Variants in GTF2E1 observed in about 807,000 individuals in gnomAD.
GTF2E1 encodes the protein TFIIE alpha subunit.
GTF2E1 carries 14 observed loss-of-function variants against 34.9 expected under a neutral mutation model. The observed-to-expected ratio is 0.40, with a 90% CI of 0.27 to 0.63. GTF2E1 has a LOEUF of 0.63. Ranked by LOEUF, GTF2E1 falls within the 20% of genes least tolerant of loss-of-function variation. GTF2E1 has a pLI of 0.39. For missense variants in GTF2E1, 469 were observed against 557.7 expected (o/e 0.84, Z 1.60); for synonymous variants, 188 against 192.9 (o/e 0.97, Z 0.21).
In GTF2E1 at chr3:120,782,167, T is replaced by C. The variant is rs559055713; in HGVS notation, c.*697T>C. On this transcript the variant is annotated 3_prime_UTR_variant, in exon 5 of 5. Coordinates refer to ENST00000283875, the MANE Select transcript of GTF2E1 (RefSeq NM_005513.3). ...AGGCATTCCAAACAATTTCTTATAC[T>C]GCTGCCCACCAAAGCAGCTTGCCAA... 2 of 152,316 alleles carry C rather than the reference T, an allele frequency of 1.3e-5. No homozygotes were observed. Among genetic ancestry groups the C allele is most frequent in the South Asian group, 4.1e-4 (2 of 4,824 alleles). The allele number at this position is 152,316 out of a possible 1,614,324, so 9.4% of individuals were successfully genotyped here. A position where few individuals can be genotyped will look rare whatever the true frequency, so the allele number is the denominator to read the frequency against.
At chr3:120,748,727 A>C (rs1709133149) in intron 1 of GTF2E1, among the ~76,000 whole-genome samples, 1 of 152,170 alleles carries the variant, frequency 6.6e-6, no homozygotes, top group African/African-American at 2.4e-5. Context: ...TTGACTTGGC[A>C]GTGTGGGCTC....
intron 2 of GTF2E1, among the ~76,000 whole-genome samples, chr3:120,751,676 A>G (rs919407872): frequency 3.3e-5 from 5 of 152,180 alleles, no homozygotes; most frequent in African/African-American, 1.2e-4. Flanking sequence ...AACATGAGAA[A>G]CTTTAAAGTT....
intron 3 of GTF2E1, among the ~76,000 whole-genome samples, chr3:120,776,000 C>G (rs895261657): frequency 2.0e-5 from 3 of 152,146 alleles, no homozygotes; most frequent in African/African-American, 7.2e-5. Context: ...CTGGGTTGAG[C>G]TGAGATAACA....
At chr3:120,779,264 A>G (rs960394926) in intron 4 of GTF2E1, among the ~76,000 whole-genome samples, 4 of 152,234 alleles carry the variant, frequency 2.6e-5, no homozygotes, top group African/African-American at 9.6e-5. Context: ...ACATTAATCA[A>G]AATACTGTGT....
At position 120,767,505 on chromosome 3, in the gene GTF2E1, T is replaced by G. The variant is rs548459739; in HGVS notation, c.449-3223T>G. ...CTCTCTTTCCTGTAACACAACCCAT[T>G]GCATGTGTAATTGTTACCTGGCCCT... On this transcript the variant is annotated intron_variant, in intron 2 of 4. Coordinates refer to ENST00000283875, the MANE Select transcript of GTF2E1 (RefSeq NM_005513.3). 2.6e-5 allele frequency among the ~76,000 whole-genome samples: 4 copies of G among 152,274 alleles called. No individual in the cohort carries two copies. The East Asian group carries it at 7.7e-4, about 29-fold the overall frequency.
chr3:120,781,497 C>G lies in GTF2E1; in HGVS notation c.*27C>G. 6.4e-7 allele frequency: 1 copy of G among 1,561,412 alleles called. No individual in the cohort carries two copies. Among genetic ancestry groups the G allele is most frequent in the Non-Finnish European group, 8.8e-7 (1 of 1,135,438 alleles). On this transcript the variant is annotated 3_prime_UTR_variant, in exon 5 of 5. Transcript: ENST00000283875. ...CTTTCCCTAATTCTTTCTCCTTTCTCTAATGCTCAGTTCAAAAAGGAATGT... is the reference window on the plus strand; with the variant it reads ...CTTTCCCTAATTCTTTCTCCTTTCTGTAATGCTCAGTTCAAAAAGGAATGT...
intron 4 of GTF2E1, among the ~76,000 whole-genome samples, chr3:120,777,774 G>A (rs1709413874): frequency 6.6e-6 from 1 of 152,180 alleles, no homozygotes. Flanking sequence ...TGCCTAGGTT[G>A]GAGTACAGTG....
At chr3:120,753,420 A>G in intron 2 of GTF2E1, among the ~76,000 whole-genome samples, 1 of 152,102 alleles carries the variant, frequency 6.6e-6, no homozygotes, top group East Asian at 1.9e-4. Context: ...GCTAGAGGAG[A>G]TTGATAATAT....
intron 1 of GTF2E1, chr3:120,749,780 G>A (rs931688570): frequency 6.6e-6 from 1 of 152,130 alleles, no homozygotes; most frequent in South Asian, 2.1e-4. Context: ...GCCAATGTGG[G>A]CTTTGAGAAG....
chr3:120,743,982 A>G (rs77685130), intron 1 of GTF2E1, among the ~76,000 whole-genome samples: 68 of 152,120 alleles, frequency 4.5e-4, no homozygotes, highest in Middle Eastern at 3.4e-3. Context: ...GACTATGGAG[A>G]TCAAAGGAAG....
intron 2 of GTF2E1, among the ~76,000 whole-genome samples, chr3:120,751,291 T>A (rs1709163335): frequency 6.6e-6 from 1 of 152,226 alleles, no homozygotes; most frequent in South Asian, 2.1e-4. Flanking sequence ...TTGATTTCTC[T>A]ACCACTTTGA....
At chr3:120,780,954 T>C in intron 4 of GTF2E1, 89 bp from the exon 5 acceptor site, 1 of 826,952 alleles carries the variant, frequency 1.2e-6, no homozygotes, top group Non-Finnish European at 1.8e-6. Flanking sequence ...TATCGTATTA[T>C]TTAAATATAT....
chr3:120,780,304 G>A (rs1042355010), intron 4 of GTF2E1, among the ~76,000 whole-genome samples: 7 of 152,140 alleles, frequency 4.6e-5, no homozygotes, highest in Admixed American at 6.5e-5. Context: ...TAAGTGCTAT[G>A]GGGGAAAAAT....
chr3:120,771,787 T>G (rs1291158564), intron 3 of GTF2E1, among the ~76,000 whole-genome samples: 3 of 152,158 alleles, frequency 2.0e-5, no homozygotes, highest in African/African-American at 7.2e-5. Flanking sequence ...TACAGAAAAT[T>G]TTGTATCTGT....
At chr3:120,760,196 T>C (rs529898986) in intron 2 of GTF2E1, among the ~76,000 whole-genome samples, 1 of 152,330 alleles carries the variant, frequency 6.6e-6, no homozygotes, top group Non-Finnish European at 1.5e-5. Context: ...ATGTGGCAAT[T>C]GTGAATGGGA....
At chr3:120,776,998 A>G (rs1468831680) in intron 4 of GTF2E1, among the ~76,000 whole-genome samples, 1 of 152,128 alleles carries the variant, frequency 6.6e-6, no homozygotes, top group East Asian at 1.9e-4. Flanking sequence ...ACCCTGACTT[A>G]TATGCATTTA....
intron 2 of GTF2E1, among the ~76,000 whole-genome samples, chr3:120,761,412 T>C (rs574664779): frequency 1.1e-4 from 16 of 152,194 alleles, no homozygotes; most frequent in East Asian, 3.9e-4. Flanking sequence ...TTTTGTGTCT[T>C]TATCTCCTTC....
chr3:120,762,009 C>T (rs1426428472), intron 2 of GTF2E1, among the ~76,000 whole-genome samples: 1 of 152,102 alleles, frequency 6.6e-6, no homozygotes, highest in Non-Finnish European at 1.5e-5. Context: ...CCAGGATGGT[C>T]TCGATCTCCT....
intron 1 of GTF2E1, among the ~76,000 whole-genome samples, chr3:120,746,174 T>C (rs1206525712): frequency 6.6e-6 from 1 of 152,202 alleles, no homozygotes; most frequent in Non-Finnish European, 1.5e-5. Flanking sequence ...ATTAAATCTG[T>C]TGGGTTGATA....
Sources: allele counts gnomAD v4.1 joint callset (sites outside exome capture counted in the v4.1 genomes callset), GRCh38; gene constraint gnomAD v4.1.1; transcripts MANE v1.5; gene names NCBI Gene and HGNC (gene_info 2026-07-23, HGNC 2026-07-21).